Variants in TSGA10 observed in about 807,000 individuals in gnomAD.
TSGA10 encodes testis-specific gene 10 protein.
TSGA10 carries 43 observed loss-of-function variants against 96.6 expected under a neutral mutation model. The ratio of observed to expected loss-of-function variants is 0.44; its 90% CI spans 0.35 to 0.57. The LOEUF is 0.57. Among genes scored for constraint, TSGA10 ranks in the 20% least tolerant of loss-of-function variants. The pLI, the probability that TSGA10 is intolerant of heterozygous loss-of-function variation, is 0.01. For missense variants in TSGA10, 703 were observed against 834.4 expected (o/e 0.84, Z 1.94); for synonymous variants, 229 against 269.9 (o/e 0.85, Z 1.48).
intron 16 of TSGA10, among the ~76,000 whole-genome samples, chr2:99,052,581 AC>A (rs1256881095): frequency 6.6e-6 from 1 of 151,986 alleles, no homozygotes; most frequent in Non-Finnish European, 1.5e-5. Flanking sequence ...TACTAAAAAT[AC>A]AAAAAATTAG....
chr2:99,144,402 A>G (rs376158290), intron 1 of TSGA10, among the ~76,000 whole-genome samples: 2 of 150,788 alleles, frequency 1.3e-5, no homozygotes, highest in African/African-American at 4.9e-5. Flanking sequence ...CATAGGGCTC[A>G]CTTTATTTCC....
Position 99,073,087 on chromosome 2 carries a change from A to G in TSGA10, c.883-14T>C. The stretch of plus-strand genomic sequence containing the variant: ...AATGGTCTTTTCCTTGAAAAATAAT[A>G]TAAGTATTAAATAAAAAAATCTTAA... On this transcript the variant is annotated splice_polypyrimidine_tract_variant and intron_variant, in intron 12 of 20. Coordinates refer to ENST00000393483, the MANE Select transcript of TSGA10 (RefSeq NM_025244.4). 17 of 1,519,064 alleles carry G rather than the reference A, an allele frequency of 1.1e-5. No homozygotes were observed. The highest frequency in any genetic ancestry group is 2.3e-5 in the East Asian group (1 of 44,004). The allele number at this position is 1,519,064 out of a possible 1,614,324, so 94.1% of individuals were successfully genotyped here.
At position 98,998,159 on chromosome 2, in the gene TSGA10, T is replaced by C. The variant is rs1437699068; in HGVS notation, c.*38A>G. ...AAAAAAAAAAAATCAGTTTGTAACT[T>C]TGACCTTTCTCAGGGATGTGAAGAA... is the stretch of plus-strand genomic sequence containing the variant. On this transcript the variant is annotated 3_prime_UTR_variant, in exon 21 of 21. Transcript: ENST00000393483. 1 of 1,581,380 alleles carries C rather than the reference T, an allele frequency of 6.3e-7. No homozygotes were observed. The highest frequency in any genetic ancestry group is 8.6e-7 in the Non-Finnish European group (1 of 1,167,284).
Position 99,124,560 on chromosome 2 carries a change from A to G in TSGA10, c.-492+2488T>C, listed in dbSNP as rs139323564. Among the ~76,000 whole-genome samples the G allele has an allele frequency of 5.5e-3, 831 of 152,180 alleles. 41 individuals are homozygous for G. Among genetic ancestry groups the G allele is most frequent in the Admixed American group, 0.051 (775 of 15,288 alleles). ...GTATTAATGTGGTATATTTGTTACA[A>G]TTGATGAAATAATACTGTTACATTA... On this transcript the variant is annotated intron_variant, in intron 2 of 20. Transcript: ENST00000393483.
chr2:99,055,670 G>C (rs2083898093), intron 16 of TSGA10, among the ~76,000 whole-genome samples: 1 of 151,864 alleles, frequency 6.6e-6, no homozygotes, highest in Non-Finnish European at 1.5e-5. Flanking sequence ...GCCAGAAAGA[G>C]AGAGGGAGAG....
chr2:99,023,888 T>C (rs1053720336), intron 17 of TSGA10, among the ~76,000 whole-genome samples: 3 of 152,198 alleles, frequency 2.0e-5, no homozygotes, highest in Admixed American at 2.0e-4. Flanking sequence ...TGCACTTCCA[T>C]ATGAATTTTA....
chr2:99,136,375 C>G (rs1421223696), intron 1 of TSGA10, among the ~76,000 whole-genome samples: 1 of 152,158 alleles, frequency 6.6e-6, no homozygotes, highest in East Asian at 1.9e-4. Context: ...TAGAATCTTA[C>G]AATTTCAACC....
At chr2:99,022,336 A>C (rs1008303429) in intron 17 of TSGA10, among the ~76,000 whole-genome samples, 8 of 149,852 alleles carry the variant, frequency 5.3e-5, no homozygotes, top group African/African-American at 9.9e-5. Flanking sequence ...AAAAAAAAAA[A>C]AAAAAAAAAA....
chr2:99,132,586 G>T (rs2093143197), intron 1 of TSGA10, among the ~76,000 whole-genome samples: 1 of 152,014 alleles, frequency 6.6e-6, no homozygotes. Flanking sequence ...TTTTTGAAGG[G>T]CTTTTCGTGT....
chr2:99,034,145 G>A (rs1034531933), intron 17 of TSGA10, among the ~76,000 whole-genome samples: 1 of 152,100 alleles, frequency 6.6e-6, no homozygotes, highest in Non-Finnish European at 1.5e-5. Context: ...GGCTTTAAAA[G>A]TATGTTTGAG....
rs1318425338 is a variant in TSGA10 at position 99,128,214 on chromosome 2, A to C, written c.-620-1038T>G. On this transcript the variant is annotated intron_variant, in intron 1 of 20. Transcript: ENST00000393483. ...ACTCTGTGTAACCCAGCACTTAGAC[A>C]GGCCGGCAGATTTATTTCCCTTTTT... Among the ~76,000 whole-genome samples the C allele has an allele frequency of 2.6e-5, 4 of 152,156 alleles. No individual in the cohort carries two copies. The East Asian group carries it at 5.8e-4, about 22-fold the overall frequency.
intron 15 of TSGA10, among the ~76,000 whole-genome samples, chr2:99,066,634 A>T (rs937000247): frequency 4.6e-5 from 7 of 152,120 alleles, no homozygotes; most frequent in Non-Finnish European, 7.3e-5. Flanking sequence ...CCTGTCCTCC[A>T]ACCACCCAGT....
chr2:99,036,511 A>T (rs1316242789), intron 16 of TSGA10, among the ~76,000 whole-genome samples: 2 of 152,188 alleles, frequency 1.3e-5, no homozygotes, highest in Non-Finnish European at 1.5e-5. Flanking sequence ...ATACATACAA[A>T]GAAAATATAA....
At chr2:99,036,266 TTCTC>T (rs1330693561) in intron 16 of TSGA10, among the ~76,000 whole-genome samples, 2 of 152,122 alleles carry the variant, frequency 1.3e-5, no homozygotes, top group African/African-American at 2.4e-5. Context: ...CACTCCTACT[TTCTC>T]TCTATCTCTT....
chr2:99,063,192 C>T (rs1469468322), intron 16 of TSGA10, among the ~76,000 whole-genome samples: 1 of 152,140 alleles, frequency 6.6e-6, no homozygotes, highest in Admixed American at 6.5e-5. Context: ...CTTCGAACTG[C>T]ACAAAATCAA....
At chr2:99,127,746 A>G (rs955597879) in intron 1 of TSGA10, among the ~76,000 whole-genome samples, 3 of 152,174 alleles carry the variant, frequency 2.0e-5, no homozygotes, top group African/African-American at 7.2e-5. Flanking sequence ...TCACATGGCA[A>G]AGATCAGTAA....
intron 20 of TSGA10, among the ~76,000 whole-genome samples, chr2:99,008,408 T>C (rs971075147): frequency 6.6e-6 from 1 of 152,098 alleles, no homozygotes; most frequent in Non-Finnish European, 1.5e-5. Context: ...CAAAAAGAGA[T>C]ATAATAATAG....
At chr2:99,117,928 T>C (rs1212068250) in intron 3 of TSGA10, among the ~76,000 whole-genome samples, 169 bp from the exon 4 acceptor site, 1 of 152,170 alleles carries the variant, frequency 6.6e-6, no homozygotes, top group Non-Finnish European at 1.5e-5. Flanking sequence ...TATTACCTAT[T>C]TGAAAAAATA....
chr2:99,048,992 C>G (rs72614750), intron 16 of TSGA10, among the ~76,000 whole-genome samples: 1 of 152,204 alleles, frequency 6.6e-6, no homozygotes, highest in Non-Finnish European at 1.5e-5. Flanking sequence ...CTCATCATCA[C>G]TGGTCATTAG....
Sources: gnomAD v4.1 joint callset for allele counts (sites outside exome capture counted in the v4.1 genomes callset) on GRCh38, gnomAD v4.1.1 for gene constraint, MANE v1.5 for transcripts, NCBI Gene and HGNC (gene_info 2026-07-23, HGNC 2026-07-21) for gene names.